Variants in GABRB2 observed in about 807,000 individuals in gnomAD.
GABRB2 encodes gamma-aminobutyric acid receptor subunit beta-2.
In GABRB2, 16 loss-of-function variants were observed where a neutral mutation model predicts 54.7. The ratio of observed to expected loss-of-function variants is 0.29; its 90% CI spans 0.20 to 0.44. The LOEUF (loss-of-function observed/expected upper bound fraction) is 0.44. GABRB2 is among the 20% of genes least tolerant of loss of function. The probability of loss-of-function intolerance (pLI) is 1.00; values close to 1 mark genes in which losing one functional copy is unlikely to be tolerated. For synonymous variants in GABRB2, 244 were observed against 233.8 expected, an observed-to-expected ratio of 1.04 and a Z score of -0.40; for missense variants, 355 against 644.0, an observed-to-expected ratio of 0.55 and a Z score of 4.86.
intron 3 of GABRB2, among the ~76,000 whole-genome samples, chr5:161,538,278 T>G (rs1760704118): frequency 6.6e-6 from 1 of 152,160 alleles, no homozygotes; most frequent in Admixed American, 6.5e-5. Context: ...AAAACCACAC[T>G]GGGAGAGACA....
At chr5:161,456,120 G>C (rs1757946816) in intron 4 of GABRB2, among the ~76,000 whole-genome samples, 1 of 152,160 alleles carries the variant, frequency 6.6e-6, no homozygotes, top group African/African-American at 2.4e-5. Flanking sequence ...TCAGCTTACA[G>C]GCTTAGTTCT....
Position 161,546,557 on chromosome 5 carries a change from G to A in GABRB2, c.77+10C>T. 1.3e-6 allele frequency: 2 copies of A among 1,592,466 alleles called. No homozygotes were observed. Among genetic ancestry groups the A allele is most frequent in the East Asian group, 2.3e-5 (1 of 44,420 alleles). Reference sequence around the variant, plus strand: ...TGAGAACGGAAAAGAGAAACGCTGGGCACACTTACCTCTGCGCACAGACAG... The same window carrying A: ...TGAGAACGGAAAAGAGAAACGCTGGACACACTTACCTCTGCGCACAGACAG... On this transcript the variant is annotated intron_variant, in intron 1 of 9. Transcript: ENST00000393959.
chr5:161,359,477 CA>C (rs1277888804), intron 5 of GABRB2, among the ~76,000 whole-genome samples: 1 of 144,094 alleles, frequency 6.9e-6, no homozygotes, highest in Non-Finnish European at 1.5e-5. Context: ...AGAGATTGCT[CA>C]TGAAGGCATA....
At chr5:161,499,244 GTAT>G (rs775926039) in intron 3 of GABRB2, among the ~76,000 whole-genome samples, 4 of 152,106 alleles carry the variant, frequency 2.6e-5, no homozygotes, top group Non-Finnish European at 5.9e-5. Context: ...AGAAAAATAA[GTAT>G]TATTTCTCTC....
chr5:161,296,052 T>A (rs972472267), intron 9 of GABRB2, among the ~76,000 whole-genome samples: 1 of 152,182 alleles, frequency 6.6e-6, no homozygotes, highest in African/African-American at 2.4e-5. Flanking sequence ...CTCACAACAT[T>A]CCTTGGAAGT....
At chr5:161,307,708 C>T (rs12522476) in intron 9 of GABRB2, among the ~76,000 whole-genome samples, 19,213 of 151,920 alleles carry the variant, frequency 0.13, 1,719 homozygotes, top group African/African-American at 0.22. Context: ...ATGGAGCCTA[C>T]CCTCATGTCT....
At chr5:161,395,594 T>TA (rs1292005945) in intron 5 of GABRB2, among the ~76,000 whole-genome samples, 11 of 152,300 alleles carry the variant, frequency 7.2e-5, no homozygotes, top group Admixed American at 3.9e-4. Context: ...GAAGAAATGT[T>TA]ACAGGTACTT....
At chr5:161,317,320 A>C (rs1299349722) in intron 9 of GABRB2, among the ~76,000 whole-genome samples, 1 of 152,196 alleles carries the variant, frequency 6.6e-6, no homozygotes, top group African/African-American at 2.4e-5. Context: ...AAATGAAACA[A>C]AAACAAAAAC....
rs1471524880 is a variant in GABRB2, at chr5:161,292,543, T to C, written c.*1538A>G. 1 of 152,030 alleles carries C rather than the reference T, an allele frequency of 6.6e-6. No individual in the cohort carries two copies. Among genetic ancestry groups the C allele is most frequent in the Non-Finnish European group, 1.5e-5 (1 of 67,972 alleles). The allele number at this position is 152,030 out of a possible 1,614,324, so 9.4% of individuals were successfully genotyped here. A position where few individuals can be genotyped will look rare whatever the true frequency, so the allele number is the denominator to read the frequency against. The stretch of plus-strand genomic sequence containing the variant: ...GAAGCACAATGGCATAACTTAAAAA[T>C]AGAAAAAAAATACATCATGCCTGCC... On this transcript the variant is annotated 3_prime_UTR_variant, in exon 10 of 10. Transcript: ENST00000393959.
chr5:161,395,133 T>C (rs1242191002), intron 5 of GABRB2, among the ~76,000 whole-genome samples: 1 of 152,154 alleles, frequency 6.6e-6, no homozygotes, highest in African/African-American at 2.4e-5. Context: ...AGGGGCTACT[T>C]ATCCTTCATC....
chr5:161,403,409 G>A (rs923370778), intron 5 of GABRB2, among the ~76,000 whole-genome samples: 1 of 152,104 alleles, frequency 6.6e-6, no homozygotes, highest in Non-Finnish European at 1.5e-5. Flanking sequence ...CAGCAAAGAG[G>A]TTGGCTATGG....
At chr5:161,452,710 T>C (rs1757824667) in intron 4 of GABRB2, among the ~76,000 whole-genome samples, 1 of 152,028 alleles carries the variant, frequency 6.6e-6, no homozygotes, top group Non-Finnish European at 1.5e-5. Context: ...TTTTTAATTG[T>C]AGGCCAAGCA....
In GABRB2 at chr5:161,368,342, G is replaced by A. The variant is rs118048705; in HGVS notation, c.542-31573C>T. 2.3e-3 allele frequency among the ~76,000 whole-genome samples: 349 copies of A among 152,204 alleles called. 5 individuals are homozygous for A. In the East Asian group the frequency reaches 0.032, roughly 14 times the overall value. ...ATCAATAATAGGCCAGAGATTTGAGGAGAGACCTCTGTGTCACTTTGTTAG... is the reference window on the plus strand; with the variant it reads ...ATCAATAATAGGCCAGAGATTTGAGAAGAGACCTCTGTGTCACTTTGTTAG... On this transcript the variant is annotated intron_variant, in intron 5 of 9. Transcript: ENST00000393959.
chr5:161,453,931 G>A lies in GABRB2; in HGVS notation c.458+5693C>T, dbSNP rs528228209. On this transcript the variant is annotated intron_variant, in intron 4 of 9. Transcript: ENST00000393959. ...TGAGCACCTGTAATCCTAGTTACTCGGGAGGCTGGGGCAGGAGAATTGCTT... is the reference window on the plus strand; with the variant it reads ...TGAGCACCTGTAATCCTAGTTACTCAGGAGGCTGGGGCAGGAGAATTGCTT... 1.7e-4 allele frequency among the ~76,000 whole-genome samples: 26 copies of A among 151,652 alleles called. 1 individual carries two copies. Among genetic ancestry groups the A allele is most frequent in the East Asian group, 9.8e-4 (5 of 5,128 alleles).
At chr5:161,322,872 G>A (rs187578792) in intron 9 of GABRB2, among the ~76,000 whole-genome samples, 27 of 151,524 alleles carry the variant, frequency 1.8e-4, no homozygotes, top group Admixed American at 1.6e-3. Flanking sequence ...ATCGCTTCTT[G>A]TTTATTATTT....
At chr5:161,519,274 T>C (rs1044095903) in intron 3 of GABRB2, among the ~76,000 whole-genome samples, 2 of 152,326 alleles carry the variant, frequency 1.3e-5, no homozygotes, top group Admixed American at 6.5e-5. Flanking sequence ...CAGCTTTTCA[T>C]TATGTTCATC....
At chr5:161,339,062 T>C (rs1270326556) in intron 5 of GABRB2, among the ~76,000 whole-genome samples, 1 of 152,154 alleles carries the variant, frequency 6.6e-6, no homozygotes, top group African/African-American at 2.4e-5. Context: ...TCTTTATCCA[T>C]ATCTCTCAGT....
At chr5:161,315,915 A>T (rs1691788433) in intron 9 of GABRB2, among the ~76,000 whole-genome samples, 1 of 152,228 alleles carries the variant, frequency 6.6e-6, no homozygotes. Flanking sequence ...ATTTTATAAT[A>T]TTTCTTTCCA....
chr5:161,413,748 C>T (rs575535905), intron 4 of GABRB2, among the ~76,000 whole-genome samples: 1 of 152,050 alleles, frequency 6.6e-6, no homozygotes, highest in Non-Finnish European at 1.5e-5. Context: ...TTAACCTCAT[C>T]TGATAGAATG....
Sources: gnomAD v4.1 joint callset for allele counts (sites outside exome capture counted in the v4.1 genomes callset) on GRCh38, gnomAD v4.1.1 for gene constraint, MANE v1.5 for transcripts, NCBI Gene and HGNC (gene_info 2026-07-23, HGNC 2026-07-21) for gene names.